GNAS: variants seen among roughly 807,000 people sequenced by gnomAD.
GNAS encodes the protein protein ALEX.
GNAS carries 8 observed loss-of-function variants against 54.5 expected under a neutral mutation model. The ratio of observed to expected loss-of-function variants is 0.15; its 90% CI spans 0.09 to 0.26. The LOEUF (loss-of-function observed/expected upper bound fraction) is 0.26, where lower values mean the gene tolerates loss of function less well. Ranked by LOEUF, GNAS falls within the 10% of genes least tolerant of loss-of-function variation. GNAS has a pLI of 1.00. For missense variants in GNAS, 170 were observed against 529.8 expected (o/e 0.32, Z 6.67); for synonymous variants, 204 against 191.4 (o/e 1.07, Z -0.54).
chr20:58,891,868 A>G lies in GNAS; in HGVS notation c.139+3A>G, dbSNP rs79324927. 1 of 1,203,884 alleles carries G rather than the reference A, an allele frequency of 8.3e-7. No individual in the cohort carries two copies. The highest frequency in any genetic ancestry group is 1.1e-6 in the Non-Finnish European group (1 of 932,992). The allele number at this position is 1,203,884 out of a possible 1,614,324, so 74.6% of individuals were successfully genotyped here. A position where few individuals can be genotyped will look rare whatever the true frequency, so the allele number is the denominator to read the frequency against. On this transcript the variant is annotated splice_donor_region_variant and intron_variant, in intron 1 of 12. Transcript: ENST00000371085. ...CACGCACCGCCTGCTGCTGCTGGGT[A>G]AGGGCGGGCGGGGGGCGCCGGCCCC... is the stretch of plus-strand genomic sequence containing the variant.
intron 1 of GNAS, among the ~76,000 whole-genome samples, chr20:58,869,519 A>G (rs932663560): frequency 1.3e-5 from 2 of 152,226 alleles, no homozygotes; most frequent in Admixed American, 1.3e-4. Context: ...ATAGGTGAGC[A>G]GAGCTCCAGT....
chr20:58,871,622 A>G (rs2087459689), intron 1 of GNAS, among the ~76,000 whole-genome samples: 1 of 148,092 alleles, frequency 6.8e-6, no homozygotes, highest in South Asian at 2.1e-4. Flanking sequence ...CGAAAAAAAA[A>G]AAAAAAACAA....
Position 58,856,660 on chromosome 20 carries a change from CAA to C in GNAS, c.43+15776_43+15777del, listed in dbSNP as rs1167084114. Reference sequence around the variant, plus strand: ...TTTTTCAGGCAGCTTTAGCTGGGGGCAAAGAGGCTTGTCAAAGGTAAGGTCTT... The same window carrying C: ...TTTTTCAGGCAGCTTTAGCTGGGGGCAGAGGCTTGTCAAAGGTAAGGTCTT... On this transcript the variant is annotated intron_variant, in intron 1 of 12. Transcript: ENST00000306090. This position sits in a 1 kb window ranked among gnomAD's most constrained non-coding sequence, Gnocchi z 4.2. 1 of 152,150 alleles carries C rather than the reference CAA, an allele frequency of 6.6e-6. No homozygotes were observed. The highest frequency in any genetic ancestry group is 2.4e-5 in the African/African-American group (1 of 41,410). The allele number at this position is 152,150 out of a possible 1,614,324, so 9.4% of individuals were successfully genotyped here.
intron 1 of GNAS, among the ~76,000 whole-genome samples, chr20:58,864,365 A>T (rs377548708): frequency 7.9e-5 from 12 of 152,190 alleles, no homozygotes; most frequent in African/African-American, 2.9e-4. Context: ...TGGGCTTTTG[A>T]AATCTTAGGA....
intron 3 of GNAS, among the ~76,000 whole-genome samples, chr20:58,901,101 A>T (rs2090561907): frequency 6.6e-6 from 1 of 152,204 alleles, no homozygotes; most frequent in Non-Finnish European, 1.5e-5. Context: ...ATTTAATTTT[A>T]CTATTGTGGA....
In GNAS at chr20:58,841,980, G is replaced by A; in HGVS notation, c.43+1094G>A. On this transcript the variant is annotated intron_variant, in intron 1 of 12. Coordinates refer to the GNAS transcript ENST00000306090. The surrounding 1 kb of genome is among the most constrained non-coding windows in gnomAD (Gnocchi z 5.0). Reference sequence around the variant, plus strand: ...GCGGTACGCGCAGAGCTGGGGAAAGGTGTTGGATCCGGCGCCAGTCCTTGG... The same window carrying A: ...GCGGTACGCGCAGAGCTGGGGAAAGATGTTGGATCCGGCGCCAGTCCTTGG... 13 of 1,031,614 alleles carry A rather than the reference G, an allele frequency of 1.3e-5. No individual in the cohort carries two copies. Among genetic ancestry groups the A allele is most frequent in the Non-Finnish European group, 1.6e-5 (13 of 805,160 alleles). The allele number at this position is 1,031,614 out of a possible 1,614,324, so 63.9% of individuals were successfully genotyped here. A position where few individuals can be genotyped will look rare whatever the true frequency, so the allele number is the denominator to read the frequency against.
chr20:58,841,989 C>A lies in GNAS; in HGVS notation c.43+1103C>A. On this transcript the variant is annotated intron_variant, in intron 1 of 12. Transcript: ENST00000306090. The surrounding 1 kb of genome is among the most constrained non-coding windows in gnomAD (Gnocchi z 5.0). The stretch of plus-strand genomic sequence containing the variant: ...GCAGAGCTGGGGAAAGGTGTTGGAT[C>A]CGGCGCCAGTCCTTGGACGATCAGT... 1.0e-6 allele frequency: 1 copy of A among 957,932 alleles called. No homozygotes were observed. The highest frequency in any genetic ancestry group is 1.4e-6 in the Non-Finnish European group (1 of 737,484). The allele number at this position is 957,932 out of a possible 1,614,324, so 59.3% of individuals were successfully genotyped here.
chr20:58,854,889 A>G (rs766942851), intron 1 of GNAS: 15 of 1,594,222 alleles, frequency 9.4e-6, no homozygotes, highest in East Asian at 2.3e-5. Flanking sequence ...CGATCCGCCT[A>G]CTCCGCGGCC....
chr20:58,890,372 G>A (rs1166976739), upstream of GNAS, among the ~76,000 whole-genome samples: 4 of 151,382 alleles, frequency 2.6e-5, no homozygotes, highest in Non-Finnish European at 5.9e-5. Context: ...ACTGGGACAC[G>A]GACTCGAGCG....
chr20:58,907,365 G>A (rs1393231620), intron 6 of GNAS, among the ~76,000 whole-genome samples: 1 of 152,142 alleles, frequency 6.6e-6, no homozygotes, highest in African/African-American at 2.4e-5. Flanking sequence ...CTTCAACAAA[G>A]TCCCTGATTT....
At chr20:58,859,071 A>G (rs1020426732) in intron 1 of GNAS, among the ~76,000 whole-genome samples, 3 of 152,194 alleles carry the variant, frequency 2.0e-5, no homozygotes, top group African/African-American at 7.2e-5. Context: ...ACAATGGAAA[A>G]CTGGTTTTAA....
intron 1 of GNAS, chr20:58,892,314 C>T (rs971105001): frequency 2.0e-5 from 6 of 298,138 alleles, no homozygotes; most frequent in Admixed American, 6.6e-5. Flanking sequence ...GGGAGGGGGA[C>T]CCGCCTCCGT....
chr20:58,897,519 T>A (rs2090176112), intron 2 of GNAS: 1 of 152,234 alleles, frequency 6.6e-6, no homozygotes, highest in African/African-American at 2.4e-5. Flanking sequence ...GGATGGAAGC[T>A]AAGTCACCTT....
In GNAS at chr20:58,909,345, T is replaced by C. The variant is rs2146269708; in HGVS notation, c.586-5T>C. On this transcript the variant is annotated splice_polypyrimidine_tract_variant and splice_region_variant and intron_variant, in intron 7 of 12. Transcript: ENST00000371085. This position sits in a 1 kb window ranked among gnomAD's most constrained non-coding sequence, Gnocchi z 7.3. ...TGAGATCCATTGACCTCAATTTTGT[T>C]TCAGGACCTGCTTCGCTGCCGTGTC... 1.2e-6 allele frequency: 2 copies of C among 1,612,828 alleles called. No individual in the cohort carries two copies. Among genetic ancestry groups the C allele is most frequent in the Admixed American group, 1.7e-5 (1 of 60,024 alleles).
chr20:58,854,409 G>A, intron 1 of GNAS: 5 of 1,566,526 alleles, frequency 3.2e-6, no homozygotes, highest in Non-Finnish European at 3.5e-6. Context: ...CGGATCCCCT[G>A]CCGCCGGGGC....
chr20:58,883,907 C>T (rs974502364), intron 1 of GNAS, among the ~76,000 whole-genome samples: 50 of 152,146 alleles, frequency 3.3e-4, no homozygotes, highest in Non-Finnish European at 2.9e-5. Context: ...TGGAGCTAAG[C>T]GGTAATTACA....
chr20:58,903,629 C>A (rs2146180607), intron 4 of GNAS, 43 bp from the exon 5 acceptor site: 1 of 1,614,118 alleles, frequency 6.2e-7, no homozygotes, highest in South Asian at 1.1e-5. Flanking sequence ...AGCGCCCTCC[C>A]AGCCAGTGCT....
chr20:58,848,870 T>G lies in GNAS; in HGVS notation c.43+7984T>G, dbSNP rs1470400706. The G allele has an allele frequency of 1.8e-5, 7 of 398,370 alleles. No individual in the cohort carries two copies. In the Admixed American group the frequency reaches 3.1e-4, roughly 18 times the overall value. The allele number at this position is 398,370 out of a possible 1,614,324, so 24.7% of individuals were successfully genotyped here. On this transcript the variant is annotated intron_variant, in intron 1 of 12. Transcript: ENST00000306090. ...CATTACTGATGTTTCAGCTCTTAGC[T>G]CCACTCACCTAAAGGACTTAGGTTT...
At chr20:58,851,638 G>T (rs965169185) in intron 1 of GNAS, among the ~76,000 whole-genome samples, 1 of 152,230 alleles carries the variant, frequency 6.6e-6, no homozygotes, top group African/African-American at 2.4e-5. Flanking sequence ...GCCACCAGGT[G>T]GTGTGGGCAT....
Sources: allele counts gnomAD v4.1 joint callset (sites outside exome capture counted in the v4.1 genomes callset), GRCh38; gene constraint gnomAD v4.1.1; non-coding constraint Gnocchi (gnomAD v3.1); transcripts MANE v1.5; gene names NCBI Gene and HGNC (gene_info 2026-07-23, HGNC 2026-07-21).